Variants in HYCC1 observed in about 807,000 individuals in gnomAD.
The protein encoded by HYCC1 is hyccin.
At chr7:22,927,813 G>C in the HYCC1 span, among the ~76,000 whole-genome samples, 1 of 152,224 alleles carries the variant, frequency 6.6e-6, no homozygotes, top group Admixed American at 6.5e-5. Flanking sequence ...GAAAAAGAGA[G>C]AATCCTCCCT....
At chr7:22,967,211 A>G in the HYCC1 span, among the ~76,000 whole-genome samples, 1 of 152,212 alleles carries the variant, frequency 6.6e-6, no homozygotes, top group Admixed American at 6.5e-5. Context: ...TAGTAAGCAA[A>G]TATTTTCAAT....
At chr7:22,989,526 A>T in the HYCC1 span, among the ~76,000 whole-genome samples, 10 of 148,102 alleles carry the variant, frequency 6.8e-5, no homozygotes, top group East Asian at 2.0e-4. Flanking sequence ...TTATTTATTT[A>T]TTTTTTTTTT....
chr7:22,900,182 TA>T, the HYCC1 span, among the ~76,000 whole-genome samples: 1 of 152,314 alleles, frequency 6.6e-6, no homozygotes, highest in East Asian at 1.9e-4. Context: ...TTTCCTTTAT[TA>T]GTAAGATAAT....
the HYCC1 span, among the ~76,000 whole-genome samples, chr7:22,926,907 C>T: frequency 0.24 from 35,148 of 149,110 alleles, 4,277 homozygotes; most frequent in East Asian, 0.43. Flanking sequence ...ACCACACCTA[C>T]TCCAAAATTG....
chr7:22,989,775 A>T, the HYCC1 span, among the ~76,000 whole-genome samples: 453 of 152,310 alleles, frequency 3.0e-3, 2 homozygotes, highest in African/African-American at 9.8e-3. Context: ...AGAAAGTAAA[A>T]GTCTGCCCAG....
chr7:22,966,119 A>G, the HYCC1 span, among the ~76,000 whole-genome samples: 1 of 152,236 alleles, frequency 6.6e-6, no homozygotes, highest in Admixed American at 6.5e-5. Flanking sequence ...CAGATGCAGC[A>G]TAATCCCATT....
the HYCC1 span, chr7:22,938,208 G>A: frequency 1.3e-5 from 2 of 152,134 alleles, no homozygotes; most frequent in African/African-American, 4.8e-5. Context: ...AATTCCTAAG[G>A]TTGAAGACAA....
the HYCC1 span, among the ~76,000 whole-genome samples, chr7:22,905,292 C>A: frequency 2.7e-4 from 41 of 151,892 alleles, no homozygotes; most frequent in Non-Finnish European, 1.2e-4. Context: ...GCAACCTCCA[C>A]CTCCCAGGTT....
chr7:22,947,142 C>T, the HYCC1 span: 1 of 1,550,320 alleles, frequency 6.5e-7, no homozygotes, highest in Non-Finnish European at 8.7e-7. Context: ...TAGTGTTCTG[C>T]CTTTTTCCCC....
the HYCC1 span, among the ~76,000 whole-genome samples, chr7:22,907,560 G>A: frequency 6.6e-6 from 1 of 152,182 alleles, no homozygotes. Flanking sequence ...TCATAAGGAA[G>A]TGTGCAAAAT....
the HYCC1 span, among the ~76,000 whole-genome samples, chr7:22,908,783 T>C: frequency 2.0e-5 from 3 of 152,228 alleles, no homozygotes; most frequent in Non-Finnish European, 4.4e-5. Context: ...ATGACTTTGT[T>C]TACCTGGGGG....
chr7:23,002,177 C>CAATTATATATATATATAT, the HYCC1 span, among the ~76,000 whole-genome samples: 30 of 66,970 alleles, frequency 4.5e-4, no homozygotes, highest in African/African-American at 6.8e-4. Context: ...TATATATATA[C>CAATTATATATATATATAT]ATATAGTTTG....
chr7:22,960,982 C>T, the HYCC1 span, among the ~76,000 whole-genome samples: 12 of 152,138 alleles, frequency 7.9e-5, no homozygotes, highest in South Asian at 2.1e-4. Flanking sequence ...ACCCAGGAGG[C>T]GGAGGTTGCG....
At chr7:22,980,926 G>A in the HYCC1 span, among the ~76,000 whole-genome samples, 1 of 152,142 alleles carries the variant, frequency 6.6e-6, no homozygotes, top group Admixed American at 6.6e-5. Flanking sequence ...CATATAAACT[G>A]CCTCTTTATA....
At chr7:22,945,943 G>A in the HYCC1 span, 2 of 1,613,840 alleles carry the variant, frequency 1.2e-6, no homozygotes, top group South Asian at 1.1e-5. Flanking sequence ...TTCGAGCAAA[G>A]TGATCTTTGC....
the HYCC1 span, among the ~76,000 whole-genome samples, chr7:22,917,335 C>T: frequency 2.0e-5 from 3 of 152,156 alleles, no homozygotes; most frequent in East Asian, 1.9e-4. Flanking sequence ...GCTGCTAGCC[C>T]GCCTCTTAGA....
the HYCC1 span, among the ~76,000 whole-genome samples, chr7:22,969,352 G>A: frequency 7.1e-4 from 108 of 151,848 alleles, no homozygotes; most frequent in African/African-American, 2.4e-3. Context: ...TCCTATTAGA[G>A]ACAGGGTTTC....
At chr7:22,926,391 T>C in the HYCC1 span, among the ~76,000 whole-genome samples, 37,007 of 151,914 alleles carry the variant, frequency 0.24, 4,663 homozygotes, top group East Asian at 0.45. Flanking sequence ...GACTGGCAAA[T>C]TGGATAAAGA....
At chr7:22,943,396 A>AT in the HYCC1 span, 2 of 152,150 alleles carry the variant, frequency 1.3e-5, no homozygotes, top group Admixed American at 1.3e-4. Flanking sequence ...AAGAATGCAA[A>AT]TTCTGATTTA....
Sources: gnomAD v4.1 joint callset for allele counts (sites outside exome capture counted in the v4.1 genomes callset) on GRCh38, gnomAD v4.1.1 for gene constraint, MANE v1.5 for transcripts, NCBI Gene and HGNC (gene_info 2026-07-23, HGNC 2026-07-21) for gene names.